Variants in NFIB observed in about 807,000 individuals in gnomAD.
NFIB encodes nuclear factor I B.
In NFIB, 11 loss-of-function variants were observed where a neutral mutation model predicts 61.5. The ratio of observed to expected loss-of-function variants is 0.18; its 90% CI spans 0.11 to 0.30. The LOEUF is 0.30. NFIB is among the 10% of genes least tolerant of loss of function. The pLI, the probability that NFIB is intolerant of heterozygous loss-of-function variation, is 1.00. For missense variants in NFIB, 471 were observed against 608.9 expected (o/e 0.77, Z 2.38); for synonymous variants, 260 against 216.5 (o/e 1.20, Z -1.76).
intron 3 of NFIB, among the ~76,000 whole-genome samples, chr9:14,166,055 T>C (rs2044751905): frequency 6.6e-6 from 1 of 152,214 alleles, no homozygotes; most frequent in South Asian, 2.1e-4. Flanking sequence ...TGGACCCAGA[T>C]TGTTAACCAC....
At chr9:14,273,101 A>T (rs1227416959) in intron 2 of NFIB, among the ~76,000 whole-genome samples, 1 of 152,190 alleles carries the variant, frequency 6.6e-6, no homozygotes, top group Non-Finnish European at 1.5e-5. Flanking sequence ...TCACTCATTA[A>T]CGAGCCAGCA....
intron 2 of NFIB, among the ~76,000 whole-genome samples, chr9:14,218,758 C>T (rs139420203): frequency 9.0e-4 from 137 of 152,314 alleles, no homozygotes; most frequent in African/African-American, 3.1e-3. Flanking sequence ...TATTTAAATG[C>T]ATTGGCCTTG....
chr9:14,421,135 A>C, the NFIB span, among the ~76,000 whole-genome samples: 1 of 150,424 alleles, frequency 6.6e-6, no homozygotes, highest in African/African-American at 2.4e-5. Flanking sequence ...TGTAGCATTC[A>C]TAAAGAGACA....
At chr9:14,472,134 C>G in the NFIB span, among the ~76,000 whole-genome samples, 1 of 152,200 alleles carries the variant, frequency 6.6e-6, no homozygotes, top group Non-Finnish European at 1.5e-5. Flanking sequence ...ATCAGGTTGA[C>G]TGAAATTTTG....
At chr9:14,141,834 G>A (rs1019630539) in intron 6 of NFIB, among the ~76,000 whole-genome samples, 2 of 149,240 alleles carry the variant, frequency 1.3e-5, no homozygotes, top group Non-Finnish European at 3.0e-5. Context: ...GCAACCCGCT[G>A]GGGTCCCCCT....
chr9:14,413,028 C>T, the NFIB span, among the ~76,000 whole-genome samples: 2,315 of 152,202 alleles, frequency 0.015, 66 homozygotes, highest in African/African-American at 0.052. Context: ...CTGGCACTGC[C>T]ATCTCTAACT....
At position 14,182,007 on chromosome 9, in the gene NFIB, G is replaced by C. The variant is rs988429231; in HGVS notation, c.563-2227C>G. Among the ~76,000 whole-genome samples, 5 of 152,156 alleles carry C rather than the reference G, an allele frequency of 3.3e-5. No homozygotes were observed. In the East Asian group the frequency reaches 9.6e-4, roughly 29 times the overall value. On this transcript the variant is annotated intron_variant, in intron 2 of 10. Transcript: ENST00000380953. The stretch of plus-strand genomic sequence containing the variant: ...GTTGCTAAAATTTGGGTCCAGCAGA[G>C]AAAAGAATGAAAAGTCTCTTCCATT...
intron 1 of NFIB, among the ~76,000 whole-genome samples, chr9:14,354,565 T>C (rs543990944): frequency 1.3e-5 from 2 of 152,276 alleles, no homozygotes; most frequent in South Asian, 2.1e-4. Context: ...AGGGGCTACA[T>C]GGTTGGGTTT....
intron 2 of NFIB, among the ~76,000 whole-genome samples, chr9:14,237,027 C>G (rs1250598217): frequency 6.6e-6 from 1 of 152,088 alleles, no homozygotes; most frequent in East Asian, 1.9e-4. Flanking sequence ...TAAGAAAATA[C>G]TTGTGCATAT....
chr9:14,210,245 A>G (rs1563904602), intron 2 of NFIB, among the ~76,000 whole-genome samples: 1 of 152,190 alleles, frequency 6.6e-6, no homozygotes, highest in Non-Finnish European at 1.5e-5. Flanking sequence ...CTAAATATAT[A>G]GAGAGGCATC....
Position 14,384,355 on chromosome 9 carries a change from C to T in NFIB, c.108+14169G>A, listed in dbSNP as rs1406942788. Among the ~76,000 whole-genome samples, 9 of 152,286 alleles carry T rather than the reference C, an allele frequency of 5.9e-5. No homozygotes were observed. In the East Asian group the frequency reaches 9.7e-4, roughly 16 times the overall value. On this transcript the variant is annotated intron_variant, in intron 1 of 8. Coordinates refer to the NFIB transcript ENST00000380934. ...AGTAAACAGCCTGAGAGAAATGCTG[C>T]GATAAAATTAGTTCAAATATTTCCC...
the NFIB span, among the ~76,000 whole-genome samples, chr9:14,436,609 T>C: frequency 5.9e-3 from 905 of 152,320 alleles, 13 homozygotes; most frequent in African/African-American, 0.02. Flanking sequence ...CAGCGCCAAA[T>C]ACCTGTGACT....
At chr9:14,513,806 C>G in the NFIB span, among the ~76,000 whole-genome samples, 2 of 152,092 alleles carry the variant, frequency 1.3e-5, no homozygotes, top group Non-Finnish European at 2.9e-5. Flanking sequence ...AAGCAAGTTA[C>G]TTCACCTCTC....
At chr9:14,102,605 A>G in intron 10 of NFIB, 3 of 793,426 alleles carry the variant, frequency 3.8e-6, no homozygotes, top group Non-Finnish European at 5.3e-6. Context: ...TGTACATGGC[A>G]TTAACCTTAC....
chr9:14,467,662 A>C, the NFIB span, among the ~76,000 whole-genome samples: 1 of 152,200 alleles, frequency 6.6e-6, no homozygotes, highest in Non-Finnish European at 1.5e-5. Context: ...CATTTAATAA[A>C]TATTTATTGA....
chr9:14,454,904 T>A, the NFIB span, among the ~76,000 whole-genome samples: 1 of 152,160 alleles, frequency 6.6e-6, no homozygotes, highest in African/African-American at 2.4e-5. Context: ...CACCAGCATA[T>A]CCCAGATAGG....
intron 2 of NFIB, among the ~76,000 whole-genome samples, chr9:14,216,521 TCTCTCTCTCTCTCTCTCTCTCC>T (rs1272704500): frequency 0.013 from 479 of 37,444 alleles, 4 homozygotes; most frequent in African/African-American, 0.045. Flanking sequence ...TCTCTCTCTC[TCTCTCTCTCTCTCTCTCTCTCC>T]CTCTGTGTGT....
At chr9:14,292,897 C>T (rs2059194464) in intron 2 of NFIB, among the ~76,000 whole-genome samples, 1 of 152,024 alleles carries the variant, frequency 6.6e-6, no homozygotes, top group Admixed American at 6.6e-5. Context: ...TATGTCTTCT[C>T]CTATATGCAT....
the NFIB span, among the ~76,000 whole-genome samples, chr9:14,423,271 G>A: frequency 2.0e-5 from 3 of 152,086 alleles, no homozygotes; most frequent in South Asian, 4.1e-4. Context: ...ATGGGAGCAC[G>A]GAGTGACCAG....
Sources: allele counts gnomAD v4.1 joint callset (sites outside exome capture counted in the v4.1 genomes callset), GRCh38; gene constraint gnomAD v4.1.1; transcripts MANE v1.5; gene names NCBI Gene and HGNC (gene_info 2026-07-23, HGNC 2026-07-21).